The following UBE2J2 variants were observed in gnomAD, a reference collection of about 807,000 sequenced individuals.
UBE2J2 encodes ubiquitin-conjugating enzyme E2 J2.
Under a neutral mutation model 28.6 loss-of-function variants are expected in UBE2J2, and 5 were observed. The observed-to-expected ratio is 0.17, with a 90% CI of 0.09 to 0.37. The LOEUF (loss-of-function observed/expected upper bound fraction) is 0.37. Ranked by LOEUF, UBE2J2 falls within the 10% of genes least tolerant of loss-of-function variation. The pLI is 1.00. For missense variants in UBE2J2, 226 were observed against 338.9 expected, an observed-to-expected ratio of 0.67 and a Z score of 2.62; for synonymous variants, 138 against 139.7, an observed-to-expected ratio of 0.99 and a Z score of 0.09.
intron 2 of UBE2J2, among the ~76,000 whole-genome samples, chr1:1,267,339 C>A (rs534515597): frequency 6.6e-6 from 1 of 152,314 alleles, no homozygotes; most frequent in Admixed American, 6.5e-5. Flanking sequence ...TCGTTGTCAG[C>A]CTGAGGGTCG....
intron 5 of UBE2J2, 80 bp from the exon 6 acceptor site, chr1:1,256,205 C>A: frequency 9.4e-7 from 1 of 1,061,454 alleles, no homozygotes; most frequent in South Asian, 1.3e-5. Context: ...ATTTCAAAGT[C>A]AAGGGCTGCA....
chr1:1,258,669 G>A (rs530447550), intron 3 of UBE2J2, among the ~76,000 whole-genome samples: 3 of 152,292 alleles, frequency 2.0e-5, no homozygotes, highest in East Asian at 1.9e-4. Flanking sequence ...CCCCATCCAG[G>A]ACAGAAATCC....
chr1:1,266,176 C>A (rs890096594), intron 2 of UBE2J2: 2 of 1,298,804 alleles, frequency 1.5e-6, no homozygotes, highest in Non-Finnish European at 2.0e-6. Context: ...GGGGCTCCGC[C>A]TCACCCTGGG....
chr1:1,269,683 C>T lies in UBE2J2; in HGVS notation c.1-1691G>A, dbSNP rs192373646. ...TTCACCATGTTGGTCAGGCTGGTCT[C>T]GAACTCCTGACCTCAGGTAATCTGC... On this transcript the variant is annotated intron_variant, in intron 1 of 6. Transcript: ENST00000349431. 2.0e-5 allele frequency among the ~76,000 whole-genome samples: 3 copies of T among 152,202 alleles called. No homozygotes were observed. The East Asian group carries it at 5.8e-4, about 29-fold the overall frequency.
At chr1:1,263,000 T>G in intron 3 of UBE2J2, 1 of 239,522 alleles carries the variant, frequency 4.2e-6, no homozygotes, top group Non-Finnish European at 8.4e-6. Context: ...AATAACTGAA[T>G]ATATGTGCCT....
In UBE2J2 at chr1:1,256,114, C is replaced by T. The variant is rs1351029997; in HGVS notation, c.426G>A (p.Leu142=). 1.2e-6 allele frequency: 2 copies of T among 1,611,830 alleles called. No individual in the cohort carries two copies. Among genetic ancestry groups the T allele is most frequent in the East Asian group, 2.2e-5 (1 of 44,878 alleles). The change falls in exon 6 of 7, where the codon CTG becomes CTA. Residue 142 remains leucine (L), a synonymous_variant. Transcript: ENST00000349431. ...AATTAAATGCTAAACTCTGCACTGCCAGTTGTCTTTTCTAGGAAGGAAGGG... is the reference window on the plus strand; with the variant it reads ...AATTAAATGCTAAACTCTGCACTGCTAGTTGTCTTTTCTAGGAAGGAAGGG... The part of the protein sequence containing the change: ...IETSDFTKRQ[L]AVQSLAFNLK...
intron 5 of UBE2J2, chr1:1,256,329 T>TC (rs1639169426): frequency 2.0e-6 from 1 of 510,312 alleles, no homozygotes; most frequent in South Asian, 2.2e-5. Context: ...CACACTTGAT[T>TC]CCTATTAAAG....
At chr1:1,262,379 G>A (rs1189553303) in intron 3 of UBE2J2, 1 of 454,762 alleles carries the variant, frequency 2.2e-6, no homozygotes, top group East Asian at 7.0e-5. Context: ...AGATGATCCA[G>A]AACTGGGATT....
intron 3 of UBE2J2, 51 bp downstream of exon 3, chr1:1,263,295 T>A (rs1450998649): frequency 1.3e-6 from 2 of 1,519,166 alleles, no homozygotes; most frequent in Non-Finnish European, 1.8e-6. Context: ...CAAGGCTGAC[T>A]GAGAATATAA....
intron 3 of UBE2J2, among the ~76,000 whole-genome samples, chr1:1,258,438 C>G (rs567095681): frequency 3.9e-5 from 6 of 152,170 alleles, no homozygotes; most frequent in African/African-American, 7.2e-5. Flanking sequence ...CTCCTCCACT[C>G]CCCACCCCCT....
intron 3 of UBE2J2, chr1:1,262,713 G>A (rs940981074): frequency 2.3e-5 from 4 of 173,198 alleles, no homozygotes; most frequent in African/African-American, 4.8e-5. Flanking sequence ...GGTCCAGATC[G>A]AGGCTGGCGC....
At chr1:1,258,032 T>TTTTTG (rs1036760480) in intron 3 of UBE2J2, among the ~76,000 whole-genome samples, 1 of 151,940 alleles carries the variant, frequency 6.6e-6, no homozygotes, top group Non-Finnish European at 1.5e-5. Flanking sequence ...TTCCCACTTT[T>TTTTTG]TTTTGTTTTG....
chr1:1,271,452 C>T (rs570738689), intron 1 of UBE2J2: 4 of 152,306 alleles, frequency 2.6e-5, no homozygotes, highest in Admixed American at 1.3e-4. Context: ...CATGGACAGC[C>T]GCGCAAAAAT....
chr1:1,259,904 C>T (rs1639455112), intron 3 of UBE2J2, among the ~76,000 whole-genome samples: 1 of 152,220 alleles, frequency 6.6e-6, no homozygotes, highest in Non-Finnish European at 1.5e-5. Flanking sequence ...GTTCCAGTCT[C>T]TCTCCACTTT....
intron 2 of UBE2J2, chr1:1,267,660 T>G: frequency 1.5e-6 from 2 of 1,313,686 alleles, no homozygotes; most frequent in Non-Finnish European, 2.0e-6. Flanking sequence ...AGCATGGCTC[T>G]GTGATGTCCC....
intron 1 of UBE2J2, among the ~76,000 whole-genome samples, chr1:1,272,282 C>A (rs1021836682): frequency 3.3e-5 from 5 of 152,044 alleles, no homozygotes; most frequent in Non-Finnish European, 7.4e-5. Flanking sequence ...AAAGAGTTGG[C>A]GATTTTAAAA....
rs755300066 is a variant in UBE2J2, at chr1:1,257,297, A to G, written c.186T>C (p.His62=). 1.9e-5 allele frequency: 31 copies of G among 1,610,596 alleles called. No homozygotes were observed. The highest frequency in any genetic ancestry group is 2.5e-5 in the Non-Finnish European group (30 of 1,178,080). ...EMTPYEGGYY[H]GKLIFPREFP... ...ATTCTCTGGGAAAAATTAGTTTTCCATGATAATAGCCACCTACATGGAAAC... is the reference window on the plus strand; with the variant it reads ...ATTCTCTGGGAAAAATTAGTTTTCCGTGATAATAGCCACCTACATGGAAAC... Residue 62 remains histidine (H), a synonymous_variant, in exon 4 of 7, where the codon CAT becomes CAC. Transcript: ENST00000349431.
Position 1,257,213 on chromosome 1 carries a change from G to A in UBE2J2, c.270C>T (p.Asn90=), listed in dbSNP as rs769348521. The A allele has an allele frequency of 1.2e-6, 2 of 1,608,900 alleles. No homozygotes were observed. Among genetic ancestry groups the A allele is most frequent in the Non-Finnish European group, 1.7e-6 (2 of 1,176,794 alleles). ...GGCCCCTCCAGGCACCTTACCTGGTGTTGCACTTAAACCTCCCGTTGGGAG... is the reference window on the plus strand; with the variant it reads ...GGCCCCTCCAGGCACCTTACCTGGTATTGCACTTAAACCTCCCGTTGGGAG... ...MITPNGRFKC[N]TRLCLSITDF... is the part of the protein sequence containing the mutation. Residue 90 remains asparagine, a synonymous_variant, in exon 4 of 7, where the codon AAC becomes AAT. Coordinates refer to ENST00000349431, the MANE Select transcript of UBE2J2 (RefSeq NM_058167.3).
At chr1:1,271,149 G>C (rs1050662172) in intron 1 of UBE2J2, among the ~76,000 whole-genome samples, 5 of 152,328 alleles carry the variant, frequency 3.3e-5, no homozygotes, top group African/African-American at 1.2e-4. Flanking sequence ...TGCCTCCCCA[G>C]GAGGGCCCCC....
Sources: gnomAD v4.1 joint callset for allele counts (sites outside exome capture counted in the v4.1 genomes callset) on GRCh38, gnomAD v4.1.1 for gene constraint, MANE v1.5 for transcripts, NCBI Gene and HGNC (gene_info 2026-07-23, HGNC 2026-07-21) for gene names.